The following POU6F2 variants were observed in gnomAD, a reference collection of about 807,000 sequenced individuals.
The protein encoded by POU6F2 is POU class 6 homeobox 2.
A neutral mutation model predicts 71.3 loss-of-function variants in POU6F2; 31 were observed. The ratio of observed to expected loss-of-function variants is 0.43; its 90% CI spans 0.33 to 0.59. The LOEUF is 0.59. POU6F2 is among the 20% of genes least tolerant of loss of function. POU6F2 has a pLI of 0.04. For synonymous variants in POU6F2, 347 were observed against 355.7 expected, an observed-to-expected ratio of 0.98 and a Z score of 0.27; for missense variants, 783 against 856.8, an observed-to-expected ratio of 0.91 and a Z score of 1.07.
At chr7:39,293,453 G>T (rs73130461) in intron 4 of POU6F2, among the ~76,000 whole-genome samples, 1 of 152,082 alleles carries the variant, frequency 6.6e-6, no homozygotes, top group Non-Finnish European at 1.5e-5. Context: ...AGGCCGCTTG[G>T]GGCCCGTCGT....
intron 2 of POU6F2, among the ~76,000 whole-genome samples, chr7:39,203,710 A>G (rs1349469621): frequency 2.6e-5 from 4 of 152,176 alleles, no homozygotes; most frequent in African/African-American, 9.7e-5. Flanking sequence ...GGGGAGAGCC[A>G]TATTCTTTTT....
At chr7:39,313,736 A>AT (rs1238779604) in intron 4 of POU6F2, among the ~76,000 whole-genome samples, 1 of 152,196 alleles carries the variant, frequency 6.6e-6, no homozygotes, top group Non-Finnish European at 1.5e-5. Flanking sequence ...AACCCTAAAT[A>AT]TATTAGAAGA....
At chr7:39,356,515 CT>C (rs1161295527) in intron 5 of POU6F2, among the ~76,000 whole-genome samples, 1 of 152,146 alleles carries the variant, frequency 6.6e-6, no homozygotes, top group Non-Finnish European at 1.5e-5. Context: ...TTATTTTCAT[CT>C]TTTTTATGAA....
At chr7:39,056,378 G>C (rs775848354) in intron 1 of POU6F2, among the ~76,000 whole-genome samples, 1 of 151,734 alleles carries the variant, frequency 6.6e-6, no homozygotes, top group Non-Finnish European at 1.5e-5. Flanking sequence ...TTTTATAGAG[G>C]TTATTCTTTC....
intron 4 of POU6F2, among the ~76,000 whole-genome samples, chr7:39,326,282 G>A (rs781479134): frequency 1.3e-5 from 2 of 152,164 alleles, no homozygotes; most frequent in Admixed American, 6.5e-5. Flanking sequence ...GGTTATCCAC[G>A]TATTGGAGAA....
intron 2 of POU6F2, among the ~76,000 whole-genome samples, chr7:39,201,195 T>G (rs1793895445): frequency 6.6e-6 from 1 of 152,154 alleles, no homozygotes; most frequent in South Asian, 2.1e-4. Context: ...TCCCTGACTT[T>G]TACAACGTGA....
At chr7:39,424,972 C>T (rs969329280) in intron 6 of POU6F2, among the ~76,000 whole-genome samples, 1 of 152,008 alleles carries the variant, frequency 6.6e-6, no homozygotes, top group African/African-American at 2.4e-5. Context: ...TATTCAAGTC[C>T]GATAAGAATG....
intron 4 of POU6F2, among the ~76,000 whole-genome samples, chr7:39,262,503 C>T (rs73126501): frequency 0.11 from 16,682 of 152,198 alleles, 1,173 homozygotes; most frequent in Non-Finnish European, 0.15. Flanking sequence ...CTACAAATGC[C>T]GAACATGCAA....
intron 1 of POU6F2, among the ~76,000 whole-genome samples, chr7:39,017,780 A>G (rs1270511346): frequency 6.7e-6 from 1 of 150,374 alleles, no homozygotes; most frequent in Admixed American, 6.7e-5. Context: ...ACATTCCAAA[A>G]TGTTTATTAA....
intron 4 of POU6F2, among the ~76,000 whole-genome samples, chr7:39,299,672 C>A (rs1165920373): frequency 1.3e-5 from 2 of 152,154 alleles, no homozygotes; most frequent in African/African-American, 4.8e-5. Context: ...ATTTAAGGAG[C>A]ATTTGGTTAG....
intron 1 of POU6F2, among the ~76,000 whole-genome samples, chr7:39,045,203 C>G (rs562713253): frequency 1.3e-5 from 2 of 151,944 alleles, no homozygotes; most frequent in Non-Finnish European, 2.9e-5. Flanking sequence ...ATTCGCATCC[C>G]GTACCTATAG....
chr7:39,083,685 A>G (rs376730416), intron 1 of POU6F2: 2 of 152,316 alleles, frequency 1.3e-5, no homozygotes, highest in South Asian at 2.1e-4. Context: ...ATGCAAATCT[A>G]TCACTAGCAA....
At chr7:39,031,201 CTT>C (rs1470378716) in intron 1 of POU6F2, among the ~76,000 whole-genome samples, 2 of 152,024 alleles carry the variant, frequency 1.3e-5, no homozygotes, top group African/African-American at 4.8e-5. Context: ...GCCTGGCCAA[CTT>C]TATTTTTATT....
intron 1 of POU6F2, among the ~76,000 whole-genome samples, chr7:39,031,934 T>A (rs1789951824): frequency 1.3e-5 from 2 of 151,966 alleles, no homozygotes. Context: ...CTCCATGAGA[T>A]TTACAAGCTC....
At chr7:39,170,728 GAGA>G (rs1462653171) in intron 2 of POU6F2, among the ~76,000 whole-genome samples, 2 of 151,950 alleles carry the variant, frequency 1.3e-5, no homozygotes, top group African/African-American at 4.8e-5. Flanking sequence ...GTAGCTAAAG[GAGA>G]AGAATTGTAG....
intron 1 of POU6F2, among the ~76,000 whole-genome samples, chr7:39,012,555 C>A (rs375067636): frequency 6.6e-6 from 1 of 151,888 alleles, no homozygotes; most frequent in Admixed American, 6.6e-5. Context: ...AGCTTTGTTC[C>A]GTTGCTGGTG....
At chr7:39,037,929 A>G (rs1211547328) in intron 1 of POU6F2, among the ~76,000 whole-genome samples, 2 of 152,044 alleles carry the variant, frequency 1.3e-5, no homozygotes, top group Non-Finnish European at 2.9e-5. Flanking sequence ...GAGACATGCA[A>G]TAAGCTATTT....
At chr7:39,397,328 A>G (rs1787193161) in intron 5 of POU6F2, among the ~76,000 whole-genome samples, 1 of 147,128 alleles carries the variant, frequency 6.8e-6, no homozygotes, top group African/African-American at 2.5e-5. Flanking sequence ...TATATATTAT[A>G]TATATATATA....
At chr7:39,334,662 G>A (rs1296638216) in intron 4 of POU6F2, among the ~76,000 whole-genome samples, 5 of 152,158 alleles carry the variant, frequency 3.3e-5, no homozygotes, top group African/African-American at 1.2e-4. Flanking sequence ...CCTTACTGGG[G>A]ACACCAGAAG....
Sources: gnomAD v4.1 joint callset for allele counts (sites outside exome capture counted in the v4.1 genomes callset) on GRCh38, gnomAD v4.1.1 for gene constraint, MANE v1.5 for transcripts, NCBI Gene and HGNC (gene_info 2026-07-23, HGNC 2026-07-21) for gene names.